Variants in AGXT2 observed in about 807,000 individuals in gnomAD.
AGXT2 encodes alanine--glyoxylate aminotransferase 2, also known as alanine--glyoxylate aminotransferase 2, mitochondrial.
AGXT2 carries 61 observed loss-of-function variants against 62.5 expected under a neutral mutation model. That is an observed-to-expected ratio of 0.98 (90% CI 0.79 to 1.21). The LOEUF (loss-of-function observed/expected upper bound fraction) is 1.21, where lower values mean the gene tolerates loss of function less well. AGXT2 is among the 50% of genes most tolerant of loss of function. The probability of loss-of-function intolerance (pLI) is 0.00; values close to 1 mark genes in which losing one functional copy is unlikely to be tolerated. For synonymous variants in AGXT2, 243 were observed against 218.7 expected (o/e 1.11, Z -0.98); for missense variants, 666 against 641.5 (o/e 1.04, Z -0.41).
chr5:35,030,584 T>C (rs1309116573), intron 7 of AGXT2, among the ~76,000 whole-genome samples: 2 of 152,088 alleles, frequency 1.3e-5, no homozygotes, highest in Admixed American at 1.3e-4. Flanking sequence ...AGAGCAGAAA[T>C]GTACGCCTGT....
At position 35,032,248 on chromosome 5, in the gene AGXT2, C is replaced by T. The variant is rs779505353; in HGVS notation, c.769+484G>A. ...ATTATAGCTGTCAGCCACCATGCCC[C>T]GCCGGGCCTTGCTCTTTCATGCAGG... On this transcript the variant is annotated intron_variant, in intron 7 of 13. Transcript: ENST00000231420. Among the ~76,000 whole-genome samples the T allele has an allele frequency of 7.9e-5, 12 of 151,618 alleles. No homozygotes were observed. In the South Asian group the frequency reaches 8.4e-4, roughly 11 times the overall value.
intron 4 of AGXT2, among the ~76,000 whole-genome samples, chr5:35,036,395 C>T (rs532270220): frequency 5.6e-4 from 85 of 152,278 alleles, no homozygotes; most frequent in Admixed American, 9.8e-4. Context: ...TCTTGGCCAA[C>T]ATTTTAACAT....
At position 35,047,915 on chromosome 5, in the gene AGXT2, C is replaced by T. The variant is rs1561240794; in HGVS notation, c.-23G>A. 1.9e-6 allele frequency: 3 copies of T among 1,613,792 alleles called. No individual in the cohort carries two copies. Among genetic ancestry groups the T allele is most frequent in the Non-Finnish European group, 2.5e-6 (3 of 1,179,868 alleles). The stretch of plus-strand genomic sequence containing the variant: ...CATTTCTCCCACTCAGAAAGCCAAC[C>T]CCCATGGAAGCAGATTGGAGGCCGG... On this transcript the variant is annotated 5_prime_UTR_variant, in exon 1 of 14. Transcript: ENST00000231420.
intron 13 of AGXT2, among the ~76,000 whole-genome samples, chr5:35,001,537 T>G (rs972287965): frequency 2.6e-5 from 4 of 152,230 alleles, no homozygotes; most frequent in East Asian, 1.9e-4. Flanking sequence ...TTCCTTTATC[T>G]GTAAAATAAG....
intron 9 of AGXT2, among the ~76,000 whole-genome samples, chr5:35,015,978 T>A (rs1766837277): frequency 6.7e-6 from 1 of 150,150 alleles, no homozygotes; most frequent in Admixed American, 6.7e-5. Flanking sequence ...AACCTGGGAG[T>A]CAGACAGACC....
chr5:35,046,646 G>A (rs1196454315), intron 1 of AGXT2, among the ~76,000 whole-genome samples: 1 of 152,172 alleles, frequency 6.6e-6, no homozygotes, highest in African/African-American at 2.4e-5. Context: ...AAAGCATCAT[G>A]CATGTGTCAA....
chr5:35,017,439 T>A (rs1021898493), intron 9 of AGXT2, among the ~76,000 whole-genome samples: 1 of 152,212 alleles, frequency 6.6e-6, no homozygotes, highest in African/African-American at 2.4e-5. Flanking sequence ...AATTGAATCA[T>A]GGGGGTGGTT....
At chr5:35,011,764 T>G (rs1323806288) in intron 11 of AGXT2, among the ~76,000 whole-genome samples, 1 of 151,974 alleles carries the variant, frequency 6.6e-6, no homozygotes. Context: ...GCAATCCCAC[T>G]TCTGGGTATC....
At chr5:35,039,648 C>T in intron 2 of AGXT2, 140 bp from the exon 3 acceptor site, 1 of 774,292 alleles carries the variant, frequency 1.3e-6, no homozygotes, top group East Asian at 2.7e-5. Flanking sequence ...CGTGTACTTA[C>T]CCAATATCGT....
At chr5:35,017,105 A>G (rs1459085631) in intron 9 of AGXT2, among the ~76,000 whole-genome samples, 1 of 152,202 alleles carries the variant, frequency 6.6e-6, no homozygotes, top group African/African-American at 2.4e-5. Context: ...GCTCCTTGAC[A>G]GAACTGGCCC....
chr5:35,040,727 C>T (rs1767954252), intron 1 of AGXT2, 64 bp from the exon 2 acceptor site: 2 of 1,228,664 alleles, frequency 1.6e-6, no homozygotes, highest in Non-Finnish European at 2.4e-6. Context: ...TGAAAGTCAC[C>T]TATAGTTATC....
At chr5:35,000,486 T>A (rs560844201) in intron 13 of AGXT2, among the ~76,000 whole-genome samples, 2 of 152,160 alleles carry the variant, frequency 1.3e-5, no homozygotes, top group Admixed American at 6.5e-5. Context: ...GTTCACACAA[T>A]TCTCCTGCCT....
intron 11 of AGXT2, 65 bp downstream of exon 11, chr5:35,012,889 G>T: frequency 7.4e-7 from 1 of 1,346,470 alleles, no homozygotes; most frequent in Non-Finnish European, 1.0e-6. Context: ...TTCTGCTAAT[G>T]CATGTGTGGT....
intron 9 of AGXT2, among the ~76,000 whole-genome samples, chr5:35,018,225 T>C (rs149609): frequency 0.97 from 147,845 of 152,218 alleles, 71,948 homozygotes; most frequent in Non-Finnish European, 1. Context: ...ACAGAGAATG[T>C]CACAAAGATA....
At position 35,010,064 on chromosome 5, in the gene AGXT2, A is replaced by T; in HGVS notation, c.1274T>A (p.Phe425Tyr). The T allele has an allele frequency of 6.2e-7, 1 of 1,614,186 alleles. No individual in the cohort carries two copies. The highest frequency in any genetic ancestry group is 8.5e-7 in the Non-Finnish European group (1 of 1,180,034). The change falls in exon 12 of 14, where the codon TTT becomes TAT. Residue 425 changes from phenylalanine (F) to tyrosine (Y), a missense_variant. Phe to Tyr is a conservative substitution (Grantham distance 22). Transcript: ENST00000231420. ...LLKFAKLRDE[F>Y]EIVGDVRGKG... ...GCCTCGGACGTCTCCAACAATTTCA[A>T]ATTCATCCCGCAGCTTAGCAAACTT...
chr5:35,043,597 A>T (rs1768068092), intron 1 of AGXT2, among the ~76,000 whole-genome samples: 1 of 152,114 alleles, frequency 6.6e-6, no homozygotes, highest in Admixed American at 6.5e-5. Context: ...CAGTGGTGTG[A>T]GCATGGCTTA....
chr5:35,007,030 A>C (rs188920257), intron 12 of AGXT2, among the ~76,000 whole-genome samples: 1 of 152,234 alleles, frequency 6.6e-6, no homozygotes, highest in Non-Finnish European at 1.5e-5. Flanking sequence ...CAAAATTCAT[A>C]TATTGAAACC....
At chr5:35,046,940 G>A (rs1768236259) in intron 1 of AGXT2, among the ~76,000 whole-genome samples, 2 of 152,170 alleles carry the variant, frequency 1.3e-5, no homozygotes, top group Non-Finnish European at 2.9e-5. Context: ...TACTCATAAA[G>A]CCACCAATGT....
intron 1 of AGXT2, among the ~76,000 whole-genome samples, chr5:35,047,245 C>G (rs1303574338): frequency 6.6e-6 from 1 of 152,156 alleles, no homozygotes; most frequent in Non-Finnish European, 1.5e-5. Flanking sequence ...TCGAGACCAA[C>G]TTGAGCAACA....
Sources: gnomAD v4.1 joint callset for allele counts (sites outside exome capture counted in the v4.1 genomes callset) on GRCh38, gnomAD v4.1.1 for gene constraint, MANE v1.5 for transcripts, NCBI Gene and HGNC (gene_info 2026-07-23, HGNC 2026-07-21) for gene names.